PER3: variants seen among roughly 807,000 people sequenced by gnomAD.
The protein encoded by PER3 is period circadian protein homolog 3.
In PER3, 107 loss-of-function variants were observed where a neutral mutation model predicts 127.2. That is an observed-to-expected ratio of 0.84 (90% CI 0.72 to 0.99). The LOEUF (loss-of-function observed/expected upper bound fraction) is 0.99. Ranked by LOEUF, PER3 falls within the 50% of genes least tolerant of loss-of-function variation. PER3 has a pLI of 0.00. For missense variants in PER3, 1,560 were observed against 1,525.8 expected (o/e 1.02, Z -0.37); for synonymous variants, 618 against 585.8 (o/e 1.05, Z -0.79).
chr1:7,826,458 AAT>A lies in PER3; in HGVS notation c.1958-19_1958-18del. On this transcript the variant is annotated intron_variant, in intron 16 of 21. Transcript: ENST00000377532. The surrounding 1 kb of genome is among the most constrained non-coding windows in gnomAD (Gnocchi z 4.2). ...AAATAATTGATAGGAATTAAAATTAAATATGTCTTCTTCCACCTCAGCCAGGG... is the reference window on the plus strand; with the variant it reads ...AAATAATTGATAGGAATTAAAATTAAATGTCTTCTTCCACCTCAGCCAGGG... 3.0e-6 allele frequency: 4 copies of A among 1,320,628 alleles called. No homozygotes were observed. The East Asian group carries it at 7.0e-5, about 23-fold the overall frequency. 81.8% of individuals were successfully genotyped at this position (1,320,628 alleles called of 1,614,324 possible).
Position 7,827,564 on chromosome 1 carries a change from C to CT in PER3, c.2636dup (p.Ala881GlyfsTer67). On this transcript the variant is annotated frameshift_variant, in exon 18 of 22. Coordinates refer to ENST00000377532, the MANE Select transcript of PER3 (RefSeq NM_001377275.1). LOFTEE classifies it high-confidence loss of function. ...GCCATCGTTTTTGCCATGTCCATTC[C>CT]TGGGGGCGACAGCCTCTTCTGCGAT... 6.2e-7 allele frequency: 1 copy of CT among 1,614,164 alleles called. No homozygotes were observed. Among genetic ancestry groups the CT allele is most frequent in the Non-Finnish European group, 8.5e-7 (1 of 1,180,030 alleles).
At chr1:7,793,093 T>G (rs930071687) in intron 5 of PER3, among the ~76,000 whole-genome samples, 1 of 152,238 alleles carries the variant, frequency 6.6e-6, no homozygotes, top group South Asian at 2.1e-4. Context: ...TTTGGTTGTT[T>G]TGGATTTTCA....
In PER3 at chr1:7,827,323, G is replaced by C; in HGVS notation, c.2394G>C (p.Met798Ile). ...TSSPTFPPAA[M>I]VPSQAPYLVP... ...GCCCGACCTTCCCACCTGCCGCCAT[G>C]GTGCCCAGCCAGGCCCCTTACCTCG... The change falls in exon 18 of 22, where the codon ATG becomes ATC. Residue 798 changes from methionine to isoleucine, a missense_variant. Physicochemically the swap from Met to Ile is conservative, Grantham distance 10. Transcript: ENST00000377532. The C allele has an allele frequency of 6.2e-7, 1 of 1,613,838 alleles. No individual in the cohort carries two copies.
At chr1:7,793,882 A>T in intron 5 of PER3, 75 bp from the exon 6 acceptor site, 1 of 1,214,768 alleles carries the variant, frequency 8.2e-7, no homozygotes, top group Non-Finnish European at 1.2e-6. Flanking sequence ...TTGTTGTTTG[A>T]TAATGGTGCA....
intron 10 of PER3, among the ~76,000 whole-genome samples, chr1:7,806,359 G>C (rs576460617): frequency 1.3e-5 from 2 of 152,130 alleles, no homozygotes; most frequent in Non-Finnish European, 2.9e-5. Flanking sequence ...GGAGACTGCA[G>C]CCAAGTTTTC....
rs1400759778 is a variant in PER3 at position 7,809,006 on chromosome 1, G to T, written c.1242+8G>T. On this transcript the variant is annotated splice_region_variant and intron_variant, in intron 11 of 21. Coordinates refer to ENST00000377532, the MANE Select transcript of PER3 (RefSeq NM_001377275.1). ...TACAAACTTCTCTTACAGGTAAGGT[G>T]AGATTGTTAAAAATGCAAAGTTCCC... The T allele has an allele frequency of 7.4e-7, 1 of 1,345,058 alleles. No individual in the cohort carries two copies. Among genetic ancestry groups the T allele is most frequent in the South Asian group, 1.2e-5 (1 of 81,552 alleles). 83.3% of individuals were successfully genotyped at this position (1,345,058 alleles called of 1,614,324 possible).
chr1:7,828,330 A>G (rs1276078880), intron 18 of PER3, among the ~76,000 whole-genome samples: 1 of 152,200 alleles, frequency 6.6e-6, no homozygotes, highest in African/African-American at 2.4e-5. Flanking sequence ...ACACTTAAAC[A>G]TGTCATTTTT....
rs774936390 is a variant in PER3 at position 7,827,586 on chromosome 1, C to T, written c.2657C>T (p.Ala886Val). Reference sequence around the variant, plus strand: ...TTCCTGGGGGCGACAGCCTCTTCTGCGATATCACCCTCAATGTCGTCAGCA... The same window carrying T: ...TTCCTGGGGGCGACAGCCTCTTCTGTGATATCACCCTCAATGTCGTCAGCA... ...CPFLGATASSAISPSMSSAMS... is the reference protein window; with the variant it reads ...CPFLGATASSVISPSMSSAMS... The change falls in exon 18 of 22, where the codon GCG becomes GTG. Residue 886 changes from alanine (A) to valine (V), a missense_variant. Physicochemically the swap from Ala to Val is moderately conservative, Grantham distance 64. Around this residue, in one of 3 missense-constraint regions of PER3, gnomAD observed 1,332 missense variants for 1,223.6 expected, o/e 1.09. Coordinates refer to ENST00000377532, the MANE Select transcript of PER3 (RefSeq NM_001377275.1). 92 of 1,614,008 alleles carry T rather than the reference C, an allele frequency of 5.7e-5. No individual in the cohort carries two copies. Among genetic ancestry groups the T allele is most frequent in the Non-Finnish European group, 7.1e-5 (84 of 1,179,990 alleles).
chr1:7,784,701 A>C lies in PER3; in HGVS notation c.-177A>C. On this transcript the variant is annotated 5_prime_UTR_variant, in exon 2 of 22. Coordinates refer to ENST00000377532, the MANE Select transcript of PER3 (RefSeq NM_001377275.1). Reference sequence around the variant, plus strand: ...GAGCTCCGGGTTTTGAAAATGTTGGAGGGAAAAGCTCCTCGGAGATGAGCG... The same window carrying C: ...GAGCTCCGGGTTTTGAAAATGTTGGCGGGAAAAGCTCCTCGGAGATGAGCG... 1.8e-6 allele frequency: 1 copy of C among 560,806 alleles called. No homozygotes were observed. Among genetic ancestry groups the C allele is most frequent in the South Asian group, 3.6e-5 (1 of 27,612 alleles). 34.7% of individuals were successfully genotyped at this position (560,806 alleles called of 1,614,324 possible).
At position 7,827,794 on chromosome 1, in the gene PER3, C is replaced by T. The variant is rs145250537; in HGVS notation, c.2865C>T (p.Asn955=). The change falls in exon 18 of 22, where the codon AAC becomes AAT. Residue 955 remains asparagine (N), a synonymous_variant. Transcript: ENST00000377532. ...PSESPDQMRR[N]TCPQTEYQCV... Reference sequence around the variant, plus strand: ...AATCTCCAGATCAGATGAGAAGGAACACGTGCCCACAAACTGAGTATGTAA... The same window carrying T: ...AATCTCCAGATCAGATGAGAAGGAATACGTGCCCACAAACTGAGTATGTAA... 4.3e-6 allele frequency: 7 copies of T among 1,612,036 alleles called. No individual in the cohort carries two copies. In the African/African-American group the frequency reaches 8.0e-5, roughly 18 times the overall value.
intron 10 of PER3, 112 bp downstream of exon 10, chr1:7,803,960 A>G (rs2097181738): frequency 1.1e-6 from 1 of 880,700 alleles, no homozygotes; most frequent in Admixed American, 2.5e-5. Context: ...TAAAGCACAG[A>G]TTTGTTTTCG....
At chr1:7,810,052 G>A (rs1207818503) in intron 12 of PER3, 31 bp downstream of exon 12, 1 of 1,596,012 alleles carries the variant, frequency 6.3e-7, no homozygotes, top group East Asian at 2.3e-5. Flanking sequence ...TTCTTATACA[G>A]GCATCGTGTT....
intron 6 of PER3, 111 bp from the exon 7 acceptor site, chr1:7,798,414 T>A: frequency 3.9e-6 from 3 of 768,904 alleles, no homozygotes; most frequent in Non-Finnish European, 6.4e-6. Context: ...ACATTTTAGA[T>A]GTGGGTATGT....
intron 21 of PER3, among the ~76,000 whole-genome samples, chr1:7,839,155 C>G (rs1228841224): frequency 6.6e-6 from 1 of 152,174 alleles, no homozygotes. Flanking sequence ...GTTTAGCATT[C>G]TAACATATCA....
At chr1:7,789,985 C>T (rs1345286880) in intron 5 of PER3, among the ~76,000 whole-genome samples, 1 of 152,158 alleles carries the variant, frequency 6.6e-6, no homozygotes, top group Non-Finnish European at 1.5e-5. Flanking sequence ...ATTCCGTAAA[C>T]ATTTATTTAA....
intron 19 of PER3, among the ~76,000 whole-genome samples, chr1:7,834,392 AT>A (rs2097347704): frequency 6.6e-6 from 1 of 152,142 alleles, no homozygotes. Flanking sequence ...CCACAATAAC[AT>A]TGTTATTATT....
At position 7,788,032 on chromosome 1, in the gene PER3, A is replaced by T; in HGVS notation, c.391-13A>T. 6.3e-7 allele frequency: 1 copy of T among 1,585,490 alleles called. No individual in the cohort carries two copies. The highest frequency in any genetic ancestry group is 8.7e-7 in the Non-Finnish European group (1 of 1,154,090). ...ATCTCAATATTTGCATTTATTTTAAATGTTTTTCATAGGATACCTTTGTGG... is the reference window on the plus strand; with the variant it reads ...ATCTCAATATTTGCATTTATTTTAATTGTTTTTCATAGGATACCTTTGTGG... On this transcript the variant is annotated splice_polypyrimidine_tract_variant and intron_variant, in intron 4 of 21. Transcript: ENST00000377532.
chr1:7,839,521 C>T (rs920472641), intron 21 of PER3, among the ~76,000 whole-genome samples: 5 of 152,230 alleles, frequency 3.3e-5, no homozygotes, highest in Non-Finnish European at 7.3e-5. Context: ...CTTCAGGTTA[C>T]TGTCAGTGTC....
At chr1:7,834,906 T>C (rs774256730) in intron 19 of PER3, among the ~76,000 whole-genome samples, 2 of 152,134 alleles carry the variant, frequency 1.3e-5, no homozygotes, top group Non-Finnish European at 1.5e-5. Context: ...AAATGCAAGA[T>C]AGGAAAGGAA....
Sources: gnomAD v4.1 joint callset for allele counts (sites outside exome capture counted in the v4.1 genomes callset) on GRCh38, gnomAD v4.1.1 for gene constraint, gnomAD v4.1.1 regional missense constraint, Gnocchi (gnomAD v3.1) non-coding constraint, MANE v1.5 for transcripts, NCBI Gene and HGNC (gene_info 2026-07-23, HGNC 2026-07-21) for gene names.